IFTAP: variants seen among roughly 807,000 people sequenced by gnomAD.
The protein encoded by IFTAP is intraflagellar transport-associated protein.
IFTAP carries 19 observed loss-of-function variants against 19.4 expected under a neutral mutation model. The ratio of observed to expected loss-of-function variants is 0.98; its 90% confidence interval spans 0.68 to 1.44. The LOEUF (loss-of-function observed/expected upper bound fraction) is 1.44. Among genes scored for constraint, IFTAP ranks in the 40% most tolerant of loss-of-function variants. The pLI is 0.00. For missense variants in IFTAP, 240 were observed against 253.6 expected, an observed-to-expected ratio of 0.95 and a Z score of 0.36; for synonymous variants, 85 against 83.5, an observed-to-expected ratio of 1.02 and a Z score of -0.10.
intron 1 of IFTAP, among the ~76,000 whole-genome samples, chr11:36,596,726 G>A (rs1224753971): frequency 1.3e-5 from 2 of 152,210 alleles, no homozygotes; most frequent in Non-Finnish European, 2.9e-5. Flanking sequence ...TACAAGGCAA[G>A]CCATACAGTG....
chr11:36,626,613 G>T (rs1852524913), intron 2 of IFTAP, among the ~76,000 whole-genome samples: 1 of 151,242 alleles, frequency 6.6e-6, no homozygotes, highest in Non-Finnish European at 1.5e-5. Flanking sequence ...TCTCCTTAGG[G>T]ATACATTTTT....
intron 2 of IFTAP, among the ~76,000 whole-genome samples, chr11:36,614,491 C>G (rs1344514983): frequency 1.3e-5 from 2 of 148,624 alleles, no homozygotes; most frequent in Non-Finnish European, 3.0e-5. Context: ...GAGGAATCGC[C>G]ACACTGACTT....
chr11:36,599,742 TC>T (rs2133346256), intron 1 of IFTAP, among the ~76,000 whole-genome samples: 1 of 152,338 alleles, frequency 6.6e-6, no homozygotes, highest in East Asian at 1.9e-4. Context: ...CTCTTCTAGT[TC>T]CTTCTGTGAT....
At chr11:36,647,794 AC>A (rs1265458646) in intron 4 of IFTAP, among the ~76,000 whole-genome samples, 1 of 152,090 alleles carries the variant, frequency 6.6e-6, no homozygotes, top group East Asian at 1.9e-4. Context: ...GGGGACTCTT[AC>A]GTTTGCAACG....
intron 2 of IFTAP, among the ~76,000 whole-genome samples, chr11:36,618,948 C>T (rs1852197689): frequency 6.6e-6 from 1 of 151,840 alleles, no homozygotes; most frequent in Admixed American, 6.6e-5. Context: ...CTAGGAGACG[C>T]TGCCAGTGAA....
chr11:36,602,622 A>G (rs950872924), intron 1 of IFTAP, among the ~76,000 whole-genome samples: 3 of 152,160 alleles, frequency 2.0e-5, no homozygotes, highest in Admixed American at 2.0e-4. Context: ...AAAAGTGTTC[A>G]CTGAATTACT....
chr11:36,612,828 G>GA (rs1254435067), intron 2 of IFTAP, among the ~76,000 whole-genome samples: 1 of 151,900 alleles, frequency 6.6e-6, no homozygotes, highest in Non-Finnish European at 1.5e-5. Context: ...TATTTCTCTG[G>GA]AAAAAATTAA....
At chr11:36,598,693 A>C (rs760467504) in intron 1 of IFTAP, among the ~76,000 whole-genome samples, 2 of 152,174 alleles carry the variant, frequency 1.3e-5, no homozygotes, top group Non-Finnish European at 2.9e-5. Flanking sequence ...CTGAGTAATA[A>C]TACAGTGTAA....
At chr11:36,609,525 A>AG (rs1554949981) in intron 1 of IFTAP, among the ~76,000 whole-genome samples, 1 of 152,040 alleles carries the variant, frequency 6.6e-6, no homozygotes, top group Admixed American at 6.6e-5. Context: ...ATAGTAGGGA[A>AG]GGGGGGGAGT....
rs989321047 is a variant in IFTAP, at chr11:36,609,381, TAGAGTAC to T, written c.-23-697_-23-691del. 9.9e-5 allele frequency among the ~76,000 whole-genome samples: 15 copies of T among 152,228 alleles called. 1 individual carries two copies. In the East Asian group the frequency reaches 2.9e-3, roughly 29 times the overall value. On this transcript the variant is annotated intron_variant, in intron 1 of 5. Coordinates refer to ENST00000334307, the MANE Select transcript of IFTAP (RefSeq NM_138787.4). Reference sequence around the variant, plus strand: ...TCAGGGGCTCAGAAACCAGTTGGGGTAGAGTACAGGGAGAAAGATTTAGGCTTAATTT... The same window carrying T: ...TCAGGGGCTCAGAAACCAGTTGGGGTAGGGAGAAAGATTTAGGCTTAATTT...
chr11:36,652,725 C>G (rs1192312434), intron 5 of IFTAP, among the ~76,000 whole-genome samples: 1 of 151,990 alleles, frequency 6.6e-6, no homozygotes, highest in Non-Finnish European at 1.5e-5. Flanking sequence ...GAGATACATC[C>G]CATCAATACT....
intron 1 of IFTAP, among the ~76,000 whole-genome samples, chr11:36,601,221 G>A (rs556926362): frequency 6.6e-6 from 1 of 152,300 alleles, no homozygotes; most frequent in South Asian, 2.1e-4. Flanking sequence ...TTTACTAAGT[G>A]GCAGATTTTT....
At chr11:36,630,530 C>G (rs1165671118) in intron 2 of IFTAP, among the ~76,000 whole-genome samples, 2 of 151,370 alleles carry the variant, frequency 1.3e-5, no homozygotes, top group South Asian at 2.1e-4. Context: ...GGATCAGAAG[C>G]TGAGACTTCA....
At chr11:36,628,960 A>T (rs903624328) in intron 2 of IFTAP, among the ~76,000 whole-genome samples, 1 of 151,378 alleles carries the variant, frequency 6.6e-6, no homozygotes, top group Non-Finnish European at 1.5e-5. Context: ...TGAGGAACAT[A>T]AAACAGTTGG....
chr11:36,602,726 AT>A (rs1278138917), intron 1 of IFTAP, among the ~76,000 whole-genome samples: 1 of 152,016 alleles, frequency 6.6e-6, no homozygotes, highest in African/African-American at 2.4e-5. Context: ...GGTATGGCAA[AT>A]TTTTCTTGAT....
chr11:36,601,780 A>G (rs1265492216), intron 1 of IFTAP, among the ~76,000 whole-genome samples: 1 of 152,000 alleles, frequency 6.6e-6, no homozygotes, highest in Non-Finnish European at 1.5e-5. Flanking sequence ...CAGTCTCTCA[A>G]GTAGCTGGGA....
intron 1 of IFTAP, 66 bp from the exon 2 acceptor site, chr11:36,610,015 C>CA: frequency 7.0e-7 from 1 of 1,432,926 alleles, no homozygotes; most frequent in South Asian, 1.3e-5. Context: ...ACCTACCCAT[C>CA]CAGAATATTT....
intron 2 of IFTAP, among the ~76,000 whole-genome samples, chr11:36,624,506 T>C (rs1437376295): frequency 6.6e-6 from 1 of 152,188 alleles, no homozygotes; most frequent in Non-Finnish European, 1.5e-5. Flanking sequence ...ATGGAGGCCA[T>C]GTGCTTACGA....
chr11:36,622,101 T>TTTTTTTTTTTAAG (rs1852317984), intron 2 of IFTAP, among the ~76,000 whole-genome samples: 1 of 151,184 alleles, frequency 6.6e-6, no homozygotes, highest in Admixed American at 6.6e-5. Flanking sequence ...TTTTTTTTTT[T>TTTTTTTTTTTAAG]GTGAAGGCTC....
Sources: gnomAD v4.1 joint callset for allele counts (sites outside exome capture counted in the v4.1 genomes callset) on GRCh38, gnomAD v4.1.1 for gene constraint, MANE v1.5 for transcripts, NCBI Gene and HGNC (gene_info 2026-07-23, HGNC 2026-07-21) for gene names.